Variants in PIGR observed in about 807,000 individuals in gnomAD.
The protein encoded by PIGR is hepatocellular carcinoma associated protein TB6.
Under a neutral mutation model 69.5 loss-of-function variants are expected in PIGR, and 22 were observed. The observed-to-expected ratio is 0.32, with a 90% CI of 0.23 to 0.45. The LOEUF is 0.45. Ranked by LOEUF, PIGR falls within the 20% of genes least tolerant of loss-of-function variation. The pLI, the probability that PIGR is intolerant of heterozygous loss-of-function variation, is 1.00. For missense variants in PIGR, 885 were observed against 974.0 expected (o/e 0.91, Z 1.22); for synonymous variants, 413 against 407.6 (o/e 1.01, Z -0.16).
In PIGR at chr1:206,930,886, A is replaced by G; in HGVS notation, c.2200-473T>C. 1 of 984,808 alleles carries G rather than the reference A, an allele frequency of 1.0e-6. No individual in the cohort carries two copies. The highest frequency in any genetic ancestry group is 4.7e-5 in the South Asian group (1 of 21,284). The allele number at this position is 984,808 out of a possible 1,614,324, so 61.0% of individuals were successfully genotyped here. On this transcript the variant is annotated intron_variant, in intron 10 of 10. Coordinates refer to ENST00000356495, the MANE Select transcript of PIGR (RefSeq NM_002644.4). This position sits in a 1 kb window ranked among gnomAD's most constrained non-coding sequence, Gnocchi z 4.3. ...TCAAGAAAAAGTAGATATGATAAAA[A>G]CAACAACAACAACAACAAAAACTCT...
chr1:206,939,191 C>T lies in PIGR; in HGVS notation c.316G>A (p.Gly106Arg). ...NIAQLSQDDS[G>R]RYKCGLGINS... is the part of the protein sequence containing the mutation. ...ATGCCCAGGCCACACTTGTAGCGCC[C>T]GGAGTCATCCTGGCTCAGCTGGGCA... The change falls in exon 3 of 11, where the codon GGG (glycine) becomes AGG (arginine). Residue 106 changes from glycine (G) to arginine (R), a missense_variant. Transcript: ENST00000356495. 1.2e-6 allele frequency: 2 copies of T among 1,614,186 alleles called. No individual in the cohort carries two copies. The highest frequency in any genetic ancestry group is 1.7e-6 in the Non-Finnish European group (2 of 1,180,036).
Position 206,930,613 on chromosome 1 carries a change from A to C in PIGR, c.2200-200T>G. ...GAAATGGAAAGTTGCAGCCTCTAAAAATATCTTCTTCTGTCTCACTACCTC... is the reference window on the plus strand; with the variant it reads ...GAAATGGAAAGTTGCAGCCTCTAAACATATCTTCTTCTGTCTCACTACCTC... On this transcript the variant is annotated intron_variant, in intron 10 of 10. Coordinates refer to ENST00000356495, the MANE Select transcript of PIGR (RefSeq NM_002644.4). This position sits in a 1 kb window ranked among gnomAD's most constrained non-coding sequence, Gnocchi z 4.3. 2 of 985,340 alleles carry C rather than the reference A, an allele frequency of 2.0e-6. No individual in the cohort carries two copies. The highest frequency in any genetic ancestry group is 2.4e-6 in the Non-Finnish European group (2 of 829,916). The allele number at this position is 985,340 out of a possible 1,614,324, so 61.0% of individuals were successfully genotyped here.
chr1:206,933,801 T>C (rs1679809507), intron 6 of PIGR, among the ~76,000 whole-genome samples: 1 of 152,068 alleles, frequency 6.6e-6, no homozygotes, highest in South Asian at 2.1e-4. Flanking sequence ...ATTATTCTTC[T>C]ATACAGAGAA....
At chr1:206,940,136 T>C (rs1679953734) in intron 2 of PIGR, among the ~76,000 whole-genome samples, 1 of 152,256 alleles carries the variant, frequency 6.6e-6, no homozygotes, top group Admixed American at 6.5e-5. Context: ...TTTTCTTTTT[T>C]TTCCCCCAGA....
chr1:206,932,416 G>C (rs377372163), intron 8 of PIGR, 40 bp downstream of exon 8: 14 of 1,579,672 alleles, frequency 8.9e-6, no homozygotes, highest in Admixed American at 1.8e-5. Context: ...CTGAGGGCTC[G>C]GGTTGGAGGT....
intron 4 of PIGR, 59 bp downstream of exon 4, chr1:206,937,036 G>A: frequency 4.1e-6 from 6 of 1,458,652 alleles, no homozygotes; most frequent in Non-Finnish European, 5.5e-6. Flanking sequence ...AGGGAGCTGA[G>A]CTTGGCTCTC....
rs12039556 is a variant in PIGR, at chr1:206,930,566, C to T, written c.2200-153G>A. ...CTGTTCTCATCCCAGCCCCCATGCTCACCAAGAAGGACGCATTTTGAGAAA... is the reference window on the plus strand; with the variant it reads ...CTGTTCTCATCCCAGCCCCCATGCTTACCAAGAAGGACGCATTTTGAGAAA... On this transcript the variant is annotated intron_variant, in intron 10 of 10. Coordinates refer to ENST00000356495, the MANE Select transcript of PIGR (RefSeq NM_002644.4). This position sits in a 1 kb window ranked among gnomAD's most constrained non-coding sequence, Gnocchi z 4.3. 1.0e-6 allele frequency: 1 copy of T among 985,408 alleles called. No homozygotes were observed. Among genetic ancestry groups the T allele is most frequent in the East Asian group, 1.1e-4 (1 of 8,810 alleles). 61.0% of individuals were successfully genotyped at this position (985,408 alleles called of 1,614,324 possible). A position where few individuals can be genotyped will look rare whatever the true frequency, so the allele number is the denominator to read the frequency against.
chr1:206,930,453 G>A lies in PIGR; in HGVS notation c.2200-40C>T, dbSNP rs111852341. The A allele has an allele frequency of 2.2e-5, 35 of 1,593,918 alleles. No individual in the cohort carries two copies. The highest frequency in any genetic ancestry group is 1.6e-4 in the East Asian group (7 of 43,888). ...GAGAGGCATCAGTGTTGGGGGCACT[G>A]GCTCAGTGGGTGGAGTCAGGGGAGG... is the stretch of plus-strand genomic sequence containing the variant. On this transcript the variant is annotated intron_variant, in intron 10 of 10. Transcript: ENST00000356495. The surrounding 1 kb of genome is among the most constrained non-coding windows in gnomAD (Gnocchi z 4.3).
intron 1 of PIGR, among the ~76,000 whole-genome samples, chr1:206,944,878 A>C (rs2102605572): frequency 6.6e-6 from 1 of 152,188 alleles, no homozygotes; most frequent in African/African-American, 2.4e-5. Context: ...ACTCACATAG[A>C]CTCACGGTGT....
Position 206,935,759 on chromosome 1 carries a change from C to T in PIGR, c.1105G>A (p.Val369Met), listed in dbSNP as rs145410189. The T allele has an allele frequency of 7.0e-4, 1,130 of 1,613,632 alleles. 2 individuals are homozygous for T. Among genetic ancestry groups the T allele is most frequent in the African/African-American group, 3.6e-3 (269 of 75,046 alleles). ...TCCTTACGGTTGTAGGGGCAGAGCA[C>T]GGCCACAGAGCCTCCTGCCACCCCC... ...VKGVAGGSVA[V>M]LCPYNRKESK... The change falls in exon 5 of 11, where the codon GTG becomes ATG. Residue 369 changes from valine (V) to methionine (M), a missense_variant. Val to Met is a conservative substitution (Grantham distance 21, BLOSUM62 1). Transcript: ENST00000356495. This position sits in a 1 kb window ranked among gnomAD's most constrained non-coding sequence, Gnocchi z 4.4.
In PIGR at chr1:206,935,788, A is replaced by G. The variant is rs774853842; in HGVS notation, c.1076T>C (p.Val359Ala). ...CACAGAGCCTCCTGCCACCCCCTTC[A>G]CCACAGTGGGGCTGCGGGGAATCGT... Reference protein sequence around the residue: ...ESTIPRSPTVVKGVAGGSVAV... With the variant: ...ESTIPRSPTVAKGVAGGSVAV... Residue 359 changes from valine to alanine, a missense_variant, in exon 5 of 11, where the codon GTG becomes GCG. By Grantham distance (64) the Val-to-Ala change is moderately conservative. Transcript: ENST00000356495. This position sits in a 1 kb window ranked among gnomAD's most constrained non-coding sequence, Gnocchi z 4.4. 1.3e-5 allele frequency: 21 copies of G among 1,608,612 alleles called. No homozygotes were observed. Among genetic ancestry groups the G allele is most frequent in the Non-Finnish European group, 1.7e-5 (20 of 1,175,892 alleles).
intron 8 of PIGR, among the ~76,000 whole-genome samples, chr1:206,932,195 A>G (rs74971030): frequency 8.5e-5 from 13 of 152,284 alleles, no homozygotes; most frequent in African/African-American, 1.7e-4. Context: ...CTGAAACCCA[A>G]TCTCCTCTTC....
rs1224905434 is a variant in PIGR at position 206,937,264 on chromosome 1, G to A, written c.876C>T (p.Ala292=). Reference sequence around the variant, plus strand: ...GGTTGAGCAGGATCCTGCCCTCAAAGGCTGGGGCCCTCTTCCCCAGGGTGT... The same window carrying A: ...GGTTGAGCAGGATCCTGCCCTCAAAAGCTGGGGCCCTCTTCCCCAGGGTGT... ...VVNTLGKRAP[A]FEGRILLNPQ... is the part of the protein sequence containing the mutation. Residue 292 remains alanine, a synonymous_variant, in exon 4 of 11, where the codon GCC becomes GCT. Coordinates refer to ENST00000356495, the MANE Select transcript of PIGR (RefSeq NM_002644.4). The A allele has an allele frequency of 6.2e-7, 1 of 1,614,016 alleles. No individual in the cohort carries two copies. Among genetic ancestry groups the A allele is most frequent in the East Asian group, 2.2e-5 (1 of 44,874 alleles).
At chr1:206,933,646 G>A (rs1002658774) in intron 6 of PIGR, among the ~76,000 whole-genome samples, 1 of 152,152 alleles carries the variant, frequency 6.6e-6, no homozygotes, top group African/African-American at 2.4e-5. Flanking sequence ...AATTTTAAAA[G>A]GGGACTTGAA....
intron 3 of PIGR, 64 bp downstream of exon 3, chr1:206,939,055 T>C (rs1679929242): frequency 7.1e-7 from 1 of 1,410,446 alleles, no homozygotes; most frequent in Non-Finnish European, 9.8e-7. Flanking sequence ...CCTCAAGCCC[T>C]CCATGCACCT....
chr1:206,944,997 T>G (rs1159834668), intron 1 of PIGR, among the ~76,000 whole-genome samples: 2 of 152,116 alleles, frequency 1.3e-5, no homozygotes, highest in Non-Finnish European at 2.9e-5. Flanking sequence ...GCAAGTGGGT[T>G]TACTAAATGG....
chr1:206,932,946 G>A (rs930807472), intron 7 of PIGR, 40 bp downstream of exon 7: 1 of 1,601,920 alleles, frequency 6.2e-7, no homozygotes, highest in Non-Finnish European at 8.5e-7. Context: ...GCTCGGCTCT[G>A]GGGTGTTCTC....
rs1261658497 is a variant in PIGR, at chr1:206,934,640, C to G, written c.1485G>C (p.Trp495Cys). ...GGCAGCCCGTGTTATTCCACTTGCACCAGTATTTCTCGTACGAGGAGAATT... is the reference window on the plus strand; with the variant it reads ...GGCAGCCCGTGTTATTCCACTTGCAGCAGTATTTCTCGTACGAGGAGAATT... ...PCKFSSYEKY[W>C]CKWNNTGCQA... Residue 495 changes from tryptophan (W) to cysteine (C), a missense_variant, in exon 6 of 11, where the codon TGG becomes TGC. By Grantham distance (215) the Trp-to-Cys change is radical (BLOSUM62 -2). Coordinates refer to ENST00000356495, the MANE Select transcript of PIGR (RefSeq NM_002644.4). 1 of 1,614,038 alleles carries G rather than the reference C, an allele frequency of 6.2e-7. No individual in the cohort carries two copies. Among genetic ancestry groups the G allele is most frequent in the Non-Finnish European group, 8.5e-7 (1 of 1,180,024 alleles).
At chr1:206,946,048 A>G (rs969075550) in intron 1 of PIGR, among the ~76,000 whole-genome samples, 1 of 152,194 alleles carries the variant, frequency 6.6e-6, no homozygotes, top group Non-Finnish European at 1.5e-5. Context: ...GCACAGACCA[A>G]GCTGAAAGAG....
Sources: allele counts gnomAD v4.1 joint callset (sites outside exome capture counted in the v4.1 genomes callset), GRCh38; gene constraint gnomAD v4.1.1; non-coding constraint Gnocchi (gnomAD v3.1); transcripts MANE v1.5; gene names NCBI Gene and HGNC (gene_info 2026-07-23, HGNC 2026-07-21).